Variants in UMAD1 observed in about 807,000 individuals in gnomAD.
UMAD1 encodes UBAP1-MVB12-associated (UMA) domain containing 1.
UMAD1 carries 8 observed loss-of-function variants against 6.1 expected under a neutral mutation model. That is an observed-to-expected ratio of 1.30 (90% CI 0.76 to 2.35). The LOEUF (loss-of-function observed/expected upper bound fraction) is 2.35. Ranked by LOEUF, UMAD1 falls within the 30% of genes most tolerant of loss-of-function variation. The pLI is 0.00. For missense variants in UMAD1, 130 were observed against 78.4 expected (o/e 1.66, Z -2.49); for synonymous variants, 56 against 31.4 (o/e 1.78, Z -2.61).
intron 2 of UMAD1, among the ~76,000 whole-genome samples, chr7:7,707,500 A>T (rs773630553): frequency 6.6e-6 from 1 of 152,180 alleles, no homozygotes. Flanking sequence ...TATGCTCTCA[A>T]ATTGCTTCAG....
At chr7:7,691,697 C>T (rs540142763) in intron 2 of UMAD1, among the ~76,000 whole-genome samples, 5 of 152,194 alleles carry the variant, frequency 3.3e-5, no homozygotes, top group East Asian at 1.9e-4. Context: ...TTTAGTGACC[C>T]TTTTTTGTTC....
intron 3 of UMAD1, among the ~76,000 whole-genome samples, chr7:7,873,119 G>A (rs972152001): frequency 1.3e-5 from 2 of 152,128 alleles, no homozygotes; most frequent in Non-Finnish European, 2.9e-5. Context: ...CTATGAAATA[G>A]CTAACTGTTA....
chr7:7,859,372 GT>G (rs1784074556), intron 3 of UMAD1, among the ~76,000 whole-genome samples: 1 of 152,200 alleles, frequency 6.6e-6, no homozygotes, highest in South Asian at 2.1e-4. Context: ...ACAGTGTGAA[GT>G]TAGGTATTCT....
rs373005614 is a variant in UMAD1 at position 7,687,974 on chromosome 7, T to G, written c.82+14521T>G. Among the ~76,000 whole-genome samples the G allele has an allele frequency of 3.2e-4, 49 of 152,300 alleles. 1 individual carries two copies. In the South Asian group the frequency reaches 8.5e-3, roughly 26 times the overall value. Reference sequence around the variant, plus strand: ...CAAAGGAAAACTGTAACCCCTGAAATAGCTTGTTGATGGATGGCTTGAAGA... The same window carrying G: ...CAAAGGAAAACTGTAACCCCTGAAAGAGCTTGTTGATGGATGGCTTGAAGA... On this transcript the variant is annotated intron_variant, in intron 2 of 3. Coordinates refer to ENST00000682710, the MANE Select transcript of UMAD1 (RefSeq NM_001302348.2).
chr7:7,804,533 C>G (rs1782868317), intron 3 of UMAD1, among the ~76,000 whole-genome samples: 1 of 152,200 alleles, frequency 6.6e-6, no homozygotes, highest in African/African-American at 2.4e-5. Context: ...ATTAGCCGGG[C>G]TTGGCGCCGT....
intron 1 of UMAD1, among the ~76,000 whole-genome samples, chr7:7,658,342 A>G (rs1311770640): frequency 6.6e-6 from 1 of 152,188 alleles, no homozygotes; most frequent in African/African-American, 2.4e-5. Context: ...AACTTCTAAT[A>G]CTGTGTTGAA....
At chr7:7,817,767 A>G (rs1041549460) in intron 3 of UMAD1, among the ~76,000 whole-genome samples, 6 of 152,162 alleles carry the variant, frequency 3.9e-5, no homozygotes, top group African/African-American at 1.4e-4. Context: ...GACTAAAGAC[A>G]CATTTTCAAT....
intron 3 of UMAD1, among the ~76,000 whole-genome samples, chr7:7,822,692 G>A (rs964181436): frequency 2.6e-5 from 4 of 152,212 alleles, no homozygotes; most frequent in African/African-American, 9.6e-5. Context: ...ACGCTTTAGT[G>A]TAAATACAGA....
intron 2 of UMAD1, among the ~76,000 whole-genome samples, chr7:7,769,070 A>G (rs1782050329): frequency 6.6e-6 from 1 of 152,230 alleles, no homozygotes; most frequent in Non-Finnish European, 1.5e-5. Flanking sequence ...CAGAAACACC[A>G]AGACCAGATG....
intron 1 of UMAD1, chr7:7,641,680 A>T (rs1199283212): frequency 6.6e-6 from 1 of 152,150 alleles, no homozygotes; most frequent in Non-Finnish European, 1.5e-5. Context: ...TTCTAGAATG[A>T]GTGCACATAA....
chr7:7,720,254 A>C (rs1781015597), intron 2 of UMAD1, among the ~76,000 whole-genome samples: 1 of 152,240 alleles, frequency 6.6e-6, no homozygotes. Flanking sequence ...CAAACTATAC[A>C]TCTCTGAGAA....
At chr7:7,704,983 C>T (rs1470053996) in intron 2 of UMAD1, among the ~76,000 whole-genome samples, 1 of 152,070 alleles carries the variant, frequency 6.6e-6, no homozygotes, top group East Asian at 1.9e-4. Context: ...CATGCCTTTA[C>T]AGATACAGAA....
chr7:7,650,217 T>C (rs1303258076), intron 1 of UMAD1, among the ~76,000 whole-genome samples: 1 of 152,230 alleles, frequency 6.6e-6, no homozygotes, highest in Non-Finnish European at 1.5e-5. Flanking sequence ...TTCTTGTAAC[T>C]CTGCCTAGAC....
At chr7:7,684,865 C>T (rs1780004761) in intron 2 of UMAD1, among the ~76,000 whole-genome samples, 1 of 152,206 alleles carries the variant, frequency 6.6e-6, no homozygotes, top group Non-Finnish European at 1.5e-5. Context: ...GACTGTTTCA[C>T]TATGGTACTA....
chr7:7,768,642 A>G (rs1196594086), intron 2 of UMAD1, among the ~76,000 whole-genome samples: 1 of 152,166 alleles, frequency 6.6e-6, no homozygotes, highest in African/African-American at 2.4e-5. Context: ...TTTATCAATT[A>G]AACTCCTTGA....
intron 2 of UMAD1, among the ~76,000 whole-genome samples, chr7:7,727,755 C>G (rs1273255333): frequency 6.6e-6 from 1 of 152,176 alleles, no homozygotes; most frequent in Non-Finnish European, 1.5e-5. Flanking sequence ...CTGGATGCTT[C>G]CTGTCCTCAA....
chr7:7,771,236 T>G (rs1469152614), intron 2 of UMAD1, among the ~76,000 whole-genome samples: 2 of 152,146 alleles, frequency 1.3e-5, no homozygotes, highest in African/African-American at 2.4e-5. Context: ...CATTGCATTA[T>G]TGACAGGGCT....
chr7:7,862,225 A>G (rs139809966), intron 3 of UMAD1, among the ~76,000 whole-genome samples: 137 of 152,238 alleles, frequency 9.0e-4, no homozygotes, highest in Admixed American at 2.1e-3. Context: ...ACAAATTAGT[A>G]TAATATATTT....
At chr7:7,791,845 A>G (rs1782573343) in intron 2 of UMAD1, among the ~76,000 whole-genome samples, 1 of 152,218 alleles carries the variant, frequency 6.6e-6, no homozygotes, top group South Asian at 2.1e-4. Context: ...TATGATTCGA[A>G]CAGCAATCAC....
Sources: gnomAD v4.1 joint callset for allele counts (sites outside exome capture counted in the v4.1 genomes callset) on GRCh38, gnomAD v4.1.1 for gene constraint, MANE v1.5 for transcripts, NCBI Gene and HGNC (gene_info 2026-07-23, HGNC 2026-07-21) for gene names.